Variants in RHPN2 observed in about 807,000 individuals in gnomAD.
RHPN2 encodes the protein rhophilin-2.
Under a neutral mutation model 79.0 loss-of-function variants are expected in RHPN2, and 40 were observed. The ratio of observed to expected loss-of-function variants is 0.51; its 90% CI spans 0.39 to 0.66. RHPN2 has a LOEUF of 0.66. RHPN2 is among the 30% of genes least tolerant of loss of function. The pLI, the probability that RHPN2 is intolerant of heterozygous loss-of-function variation, is 0.00. For synonymous variants in RHPN2, 285 were observed against 363.5 expected (o/e 0.78, Z 2.46); for missense variants, 686 against 883.5 (o/e 0.78, Z 2.83).
intron 1 of RHPN2, among the ~76,000 whole-genome samples, chr19:33,056,038 G>A (rs1352201753): frequency 6.6e-6 from 1 of 151,528 alleles, no homozygotes; most frequent in Admixed American, 6.6e-5. Flanking sequence ...TTCATTTTGG[G>A]CCTTTCAATG....
intron 13 of RHPN2, chr19:32,990,914 A>G: frequency 4.3e-6 from 2 of 466,118 alleles, no homozygotes; most frequent in South Asian, 4.1e-5. Context: ...CTGTAGTCCT[A>G]GCTACTTGGG....
At chr19:33,064,755 T>TG in intron 1 of RHPN2, 29 bp downstream of exon 1, 696 of 1,427,356 alleles carry the variant, frequency 4.9e-4, no homozygotes, top group Non-Finnish European at 6.2e-4. Context: ...AGCCCGCAGG[T>TG]CCCCGCCCGC....
chr19:32,999,121 C>T (rs1416621832), intron 10 of RHPN2, among the ~76,000 whole-genome samples: 5 of 151,812 alleles, frequency 3.3e-5, no homozygotes, highest in Non-Finnish European at 5.9e-5. Context: ...GGAGAAGCTG[C>T]GTATGTGTGC....
intron 2 of RHPN2, among the ~76,000 whole-genome samples, chr19:33,038,047 T>A (rs547318995): frequency 1.3e-4 from 20 of 152,032 alleles, no homozygotes; most frequent in Non-Finnish European, 2.8e-4. Flanking sequence ...TACAAAAAAA[T>A]TTTTAAAATT....
In RHPN2 at chr19:33,012,682, C is replaced by T. The variant is rs1160449875; in HGVS notation, c.433G>A (p.Glu145Lys). ...EHYSEDGYLY[E>K]DEIADLMDLR... ...TCCATAAGATCTGCAATTTCATCTT[C>T]ATATAAATAGCCATCTTCACTGTAA... The change falls in exon 5 of 15, where the codon GAA (glutamate) becomes AAA (lysine). Residue 145 changes from glutamate (E) to lysine (K), a missense_variant. Physicochemically the swap from Glu to Lys is moderately conservative, Grantham distance 56 (BLOSUM62 1). Transcript: ENST00000254260. 1.9e-6 allele frequency: 3 copies of T among 1,607,748 alleles called. No individual in the cohort carries two copies. Among genetic ancestry groups the T allele is most frequent in the Admixed American group, 3.3e-5 (2 of 59,966 alleles).
intron 2 of RHPN2, among the ~76,000 whole-genome samples, chr19:33,034,026 T>TTTTTTTTTTAATTTTAG (rs1555713551): frequency 8.7e-5 from 12 of 138,240 alleles, no homozygotes; most frequent in African/African-American, 2.8e-4. Flanking sequence ...TGGCAAAACA[T>TTTTTTTTTTAATTTTAG]TTTTTTTTTT....
At chr19:32,991,729 C>T in intron 13 of RHPN2, 94 bp downstream of exon 13, 4 of 1,445,294 alleles carry the variant, frequency 2.8e-6, no homozygotes, top group Non-Finnish European at 3.9e-6. Context: ...AGGCCCTTCA[C>T]ATCAAGTCAG....
intron 3 of RHPN2, among the ~76,000 whole-genome samples, chr19:33,022,536 G>A (rs1192328416): frequency 2.0e-5 from 3 of 152,134 alleles, no homozygotes; most frequent in South Asian, 2.1e-4. Context: ...ATCTGACACC[G>A]AAATGCACCT....
chr19:32,993,244 G>A (rs1971675029), intron 12 of RHPN2, among the ~76,000 whole-genome samples: 2 of 152,216 alleles, frequency 1.3e-5, no homozygotes, highest in African/African-American at 4.8e-5. Context: ...GGAGGCTGAG[G>A]TGAGCGGATC....
At chr19:33,027,549 A>G (rs1184198087) in intron 2 of RHPN2, among the ~76,000 whole-genome samples, 1 of 151,874 alleles carries the variant, frequency 6.6e-6, no homozygotes, top group Non-Finnish European at 1.5e-5. Flanking sequence ...TAAGATAGAA[A>G]GTAAAATAAA....
In RHPN2 at chr19:33,063,808, ACCCGCCG is replaced by A. The variant is rs56913749; in HGVS notation, c.69+969_69+975del. Among the ~76,000 whole-genome samples the A allele has an allele frequency of 2.7e-4, 35 of 131,244 alleles. 1 individual carries two copies. Among genetic ancestry groups the A allele is most frequent in the East Asian group, 1.9e-3 (8 of 4,306 alleles). 86.1% of individuals were successfully genotyped at this position (131,244 alleles called of 152,430 possible). On this transcript the variant is annotated intron_variant, in intron 1 of 14. Transcript: ENST00000254260. ...AGAACCTGCGAGGCCGGCACCCGCCACCCGCCGCCCGCCGCCCGCCGCCCGCCGCCAG... is the reference window on the plus strand; with the variant it reads ...AGAACCTGCGAGGCCGGCACCCGCCACCCGCCGCCCGCCGCCCGCCGCCAG...
intron 1 of RHPN2, among the ~76,000 whole-genome samples, chr19:33,045,946 A>G (rs1195879573): frequency 6.6e-6 from 1 of 152,196 alleles, no homozygotes; most frequent in Non-Finnish European, 1.5e-5. Context: ...GGAATCATAT[A>G]ATATGTGGCC....
intron 1 of RHPN2, among the ~76,000 whole-genome samples, chr19:33,053,844 G>A (rs1972209616): frequency 6.6e-6 from 1 of 151,712 alleles, no homozygotes; most frequent in African/African-American, 2.4e-5. Flanking sequence ...TGGGATTACA[G>A]GTGTGAGCCA....
intron 2 of RHPN2, among the ~76,000 whole-genome samples, chr19:33,038,012 G>A (rs866392375): frequency 6.6e-4 from 101 of 152,190 alleles, no homozygotes; most frequent in African/African-American, 2.3e-3. Flanking sequence ...AGACCAGCCT[G>A]AGCATCATAG....
At chr19:33,033,152 A>C (rs906446847) in intron 2 of RHPN2, among the ~76,000 whole-genome samples, 2 of 152,110 alleles carry the variant, frequency 1.3e-5, no homozygotes, top group African/African-American at 4.8e-5. Flanking sequence ...CCCTTTCCAC[A>C]TCATGGGGGC....
intron 9 of RHPN2, among the ~76,000 whole-genome samples, chr19:33,001,506 C>T (rs972774441): frequency 2.0e-5 from 3 of 152,098 alleles, no homozygotes; most frequent in Non-Finnish European, 4.4e-5. Context: ...CATACCACTG[C>T]ACTCCAGCCC....
intron 1 of RHPN2, among the ~76,000 whole-genome samples, chr19:33,063,565 G>A (rs1244121004): frequency 6.6e-6 from 1 of 152,148 alleles, no homozygotes; most frequent in Non-Finnish European, 1.5e-5. Flanking sequence ...AGTGATCCCT[G>A]GCCAAGGGCC....
In RHPN2 at chr19:33,007,108, G is replaced by A. The variant is rs569251178; in HGVS notation, c.760+906C>T. On this transcript the variant is annotated intron_variant, in intron 7 of 14. Transcript: ENST00000254260. ...TCCCAGAAGAAGGGAACTGAGCTAT[G>A]AGACATCCTTTGAATGCATCACTTG... is the stretch of plus-strand genomic sequence containing the variant. Among the ~76,000 whole-genome samples the A allele has an allele frequency of 1.4e-4, 22 of 152,298 alleles. No individual in the cohort carries two copies. The South Asian group carries it at 4.4e-3, about 30-fold the overall frequency.
At chr19:33,009,319 G>A (rs1356544046) in intron 6 of RHPN2, among the ~76,000 whole-genome samples, 3 of 152,022 alleles carry the variant, frequency 2.0e-5, no homozygotes, top group Non-Finnish European at 2.9e-5. Context: ...GGCTGGGAGC[G>A]GTGGCTCATG....
Sources: allele counts gnomAD v4.1 joint callset (sites outside exome capture counted in the v4.1 genomes callset), GRCh38; gene constraint gnomAD v4.1.1; transcripts MANE v1.5; gene names NCBI Gene and HGNC (gene_info 2026-07-23, HGNC 2026-07-21).